Variants in GFOD1 observed in about 807,000 individuals in gnomAD.
GFOD1 encodes the protein Gfo/Idh/MocA-like oxidoreductase domain containing 1.
In GFOD1, 9 loss-of-function variants were observed where a neutral mutation model predicts 25.4. The observed-to-expected ratio is 0.35, with a 90% confidence interval of 0.21 to 0.62. GFOD1 has a LOEUF of 0.62. GFOD1 is among the 20% of genes least tolerant of loss of function. The pLI is 0.72. For missense variants in GFOD1, 403 were observed against 556.9 expected (o/e 0.72, Z 2.78); for synonymous variants, 253 against 245.6 (o/e 1.03, Z -0.28).
intron 1 of GFOD1, among the ~76,000 whole-genome samples, chr6:13,446,820 A>G (rs1482293552): frequency 6.6e-6 from 1 of 152,172 alleles, no homozygotes; most frequent in Non-Finnish European, 1.5e-5. Context: ...CACATATTTG[A>G]GCCTTTTCTC....
chr6:13,467,487 T>C (rs189397194), intron 1 of GFOD1, among the ~76,000 whole-genome samples: 1 of 152,312 alleles, frequency 6.6e-6, no homozygotes. Flanking sequence ...GTGATGAATT[T>C]TCTCAGGCCC....
Position 13,359,400 on chromosome 6 carries a change from C to T in GFOD1, c.*5343G>A, listed in dbSNP as rs999787566. The T allele has an allele frequency of 3.3e-5, 5 of 152,078 alleles. No individual in the cohort carries two copies. The highest frequency in any genetic ancestry group is 4.8e-5 in the African/African-American group (2 of 41,376). 9.4% of individuals were successfully genotyped at this position (152,078 alleles called of 1,614,324 possible). ...AGGCTCTGATGGCCAAAAACGTAGGCGGTGGTGGAGCAGTAGGCGGTGTCA... is the reference window on the plus strand; with the variant it reads ...AGGCTCTGATGGCCAAAAACGTAGGTGGTGGTGGAGCAGTAGGCGGTGTCA... On this transcript the variant is annotated 3_prime_UTR_variant, in exon 2 of 2. Transcript: ENST00000379287.
At chr6:13,456,921 G>A (rs558751721) in intron 1 of GFOD1, among the ~76,000 whole-genome samples, 19 of 152,292 alleles carry the variant, frequency 1.2e-4, no homozygotes, top group African/African-American at 4.6e-4. Flanking sequence ...CCTGCAGGAG[G>A]CTTTGAGCTA....
intron 1 of GFOD1, among the ~76,000 whole-genome samples, chr6:13,450,691 G>C (rs539008779): frequency 6.6e-6 from 1 of 152,330 alleles, no homozygotes; most frequent in South Asian, 2.1e-4. Context: ...GGCTGCTGAT[G>C]TAGGCAGCCT....
chr6:13,434,786 T>A (rs958334207), intron 1 of GFOD1, among the ~76,000 whole-genome samples: 1 of 152,192 alleles, frequency 6.6e-6, no homozygotes, highest in African/African-American at 2.4e-5. Context: ...CATAGTAGGT[T>A]CTCAGAAGAG....
intron 1 of GFOD1, among the ~76,000 whole-genome samples, chr6:13,370,517 G>C (rs920466422): frequency 6.6e-6 from 1 of 151,632 alleles, no homozygotes; most frequent in Non-Finnish European, 1.5e-5. Context: ...CTGCATTCTG[G>C]ACAGTCTTCC....
At chr6:13,432,690 A>G (rs1274139165) in intron 1 of GFOD1, among the ~76,000 whole-genome samples, 1 of 152,130 alleles carries the variant, frequency 6.6e-6, no homozygotes, top group African/African-American at 2.4e-5. Flanking sequence ...ACACCCAGCT[A>G]CACGGTTTCC....
intron 1 of GFOD1, among the ~76,000 whole-genome samples, chr6:13,422,882 C>T (rs1562214361): frequency 1.3e-5 from 2 of 152,292 alleles, no homozygotes; most frequent in Middle Eastern, 3.4e-3. Context: ...TTCGGTGTGG[C>T]GAGGTAGGCT....
Position 13,364,708 on chromosome 6 carries a change from C to A in GFOD1, c.*35G>T. ...CTTCCCTCTCTGTGGACATCCCCTGCAGAAGGCTCAAGTCCCCGAGGTTCT... is the reference window on the plus strand; with the variant it reads ...CTTCCCTCTCTGTGGACATCCCCTGAAGAAGGCTCAAGTCCCCGAGGTTCT... On this transcript the variant is annotated 3_prime_UTR_variant, in exon 2 of 2. Transcript: ENST00000379287. The surrounding 1 kb of genome is among the most constrained non-coding windows in gnomAD (Gnocchi z 4.1). 1 of 1,558,926 alleles carries A rather than the reference C, an allele frequency of 6.4e-7. No individual in the cohort carries two copies. The highest frequency in any genetic ancestry group is 8.7e-7 in the Non-Finnish European group (1 of 1,143,880).
chr6:13,368,359 G>A (rs1254778738), intron 1 of GFOD1, among the ~76,000 whole-genome samples: 1 of 152,240 alleles, frequency 6.6e-6, no homozygotes, highest in African/African-American at 2.4e-5. Flanking sequence ...GCAACCAGAT[G>A]AGGACTGAGG....
chr6:13,477,068 C>T (rs961383144), intron 1 of GFOD1, among the ~76,000 whole-genome samples: 2 of 152,054 alleles, frequency 1.3e-5, no homozygotes, highest in Admixed American at 6.6e-5. Context: ...CCTAGGGAGC[C>T]CACACCCACC....
intron 1 of GFOD1, among the ~76,000 whole-genome samples, chr6:13,428,508 GCGAT>G (rs1485109740): frequency 1.2e-4 from 3 of 24,176 alleles, no homozygotes; most frequent in Non-Finnish European, 6.9e-4. Flanking sequence ...GGCCCCCAGT[GCGAT>G]GCGATGCGCT....
At chr6:13,484,932 G>A (rs9474318) in intron 1 of GFOD1, among the ~76,000 whole-genome samples, 9,634 of 152,230 alleles carry the variant, frequency 0.063, 1,002 homozygotes, top group African/African-American at 0.22. Flanking sequence ...GCTCATCAGG[G>A]ACCAGTTTTG....
At chr6:13,462,711 T>C (rs1314174973) in intron 1 of GFOD1, among the ~76,000 whole-genome samples, 4 of 152,218 alleles carry the variant, frequency 2.6e-5, no homozygotes, top group Non-Finnish European at 4.4e-5. Flanking sequence ...AGGTCTTTTC[T>C]AGTTCCAGCT....
intron 1 of GFOD1, among the ~76,000 whole-genome samples, chr6:13,409,166 G>GAAAGAAA (rs1382880663): frequency 1.2e-4 from 1 of 8,514 alleles, no homozygotes; most frequent in African/African-American, 2.0e-4. Context: ...AAGAAAGAAA[G>GAAAGAAA]GAAAGAGAGA....
chr6:13,453,463 C>T (rs1758134094), intron 1 of GFOD1, among the ~76,000 whole-genome samples: 1 of 152,190 alleles, frequency 6.6e-6, no homozygotes, highest in Admixed American at 6.5e-5. Context: ...GTATTCAAAA[C>T]ACAATGCATA....
rs752862836 is a variant in GFOD1, at chr6:13,470,573, A to AT, written c.253+16064dup. 7.1e-4 allele frequency: 1,055 copies of AT among 1,493,014 alleles called. 1 individual carries two copies. Among genetic ancestry groups the AT allele is most frequent in the Admixed American group, 1.1e-3 (46 of 41,666 alleles). 92.5% of individuals were successfully genotyped at this position (1,493,014 alleles called of 1,614,324 possible). Reference sequence around the variant, plus strand: ...GCTCAGCTGAACAGAACCACGTGGCATTTTTTTTTCCCCAGTATTTTTCTG... The same window carrying AT: ...GCTCAGCTGAACAGAACCACGTGGCATTTTTTTTTTCCCCAGTATTTTTCTG... On this transcript the variant is annotated intron_variant, in intron 1 of 1. Coordinates refer to ENST00000379287, the MANE Select transcript of GFOD1 (RefSeq NM_018988.4).
At chr6:13,442,423 A>G (rs1757931970) in intron 1 of GFOD1, among the ~76,000 whole-genome samples, 1 of 152,158 alleles carries the variant, frequency 6.6e-6, no homozygotes, top group Admixed American at 6.5e-5. Context: ...AGACTTTTTC[A>G]TTACTGGTAT....
chr6:13,429,838 C>T (rs1255009939), intron 1 of GFOD1, among the ~76,000 whole-genome samples: 3 of 151,996 alleles, frequency 2.0e-5, no homozygotes, highest in Non-Finnish European at 2.9e-5. Flanking sequence ...GTAATATATA[C>T]ATTATTATAC....
Sources: gnomAD v4.1 joint callset for allele counts (sites outside exome capture counted in the v4.1 genomes callset) on GRCh38, gnomAD v4.1.1 for gene constraint, Gnocchi (gnomAD v3.1) non-coding constraint, MANE v1.5 for transcripts, NCBI Gene and HGNC (gene_info 2026-07-23, HGNC 2026-07-21) for gene names.